Variants in HERC3 observed in about 807,000 individuals in gnomAD.
HERC3 encodes the protein HECT and RLD domain containing E3 ubiquitin protein ligase 3, also known as probable E3 ubiquitin-protein ligase HERC3.
A neutral mutation model predicts 129.9 loss-of-function variants in HERC3; 58 were observed. The observed-to-expected ratio is 0.45, with a 90% confidence interval of 0.36 to 0.56. The LOEUF (loss-of-function observed/expected upper bound fraction) is 0.56, where lower values mean the gene tolerates loss of function less well. Ranked by LOEUF, HERC3 falls within the 20% of genes least tolerant of loss-of-function variation. HERC3 has a pLI of 0.00. For missense variants in HERC3, 835 were observed against 1,244.2 expected, an observed-to-expected ratio of 0.67 and a Z score of 4.95; for synonymous variants, 430 against 451.0, an observed-to-expected ratio of 0.95 and a Z score of 0.59.
At chr4:88,552,190 C>T in the HERC3 span, among the ~76,000 whole-genome samples, 18 of 151,196 alleles carry the variant, frequency 1.2e-4, no homozygotes, top group African/African-American at 2.7e-4. Flanking sequence ...GGCTAAATGA[C>T]GAGTTAATGG....
chr4:88,559,960 A>ATTTTTTTT, the HERC3 span, among the ~76,000 whole-genome samples: 1 of 119,554 alleles, frequency 8.4e-6, no homozygotes, highest in Non-Finnish European at 1.8e-5. Context: ...GTTATTTTTG[A>ATTTTTTTT]TTTTTTTTTT....
chr4:88,555,311 ATTAT>A, the HERC3 span, among the ~76,000 whole-genome samples: 1 of 152,116 alleles, frequency 6.6e-6, no homozygotes, highest in African/African-American at 2.4e-5. Flanking sequence ...AGAAAAAGAA[ATTAT>A]ATGGAATTAT....
At chr4:88,684,628 C>G (rs1733193739) in intron 21 of HERC3, among the ~76,000 whole-genome samples, 1 of 152,158 alleles carries the variant, frequency 6.6e-6, no homozygotes, top group African/African-American at 2.4e-5. Context: ...CAAATCGGAT[C>G]TAATCGAACT....
chr4:88,667,932 C>T lies in HERC3; in HGVS notation c.1484C>T (p.Ser495Leu), dbSNP rs751787964. 1 of 1,613,384 alleles carries T rather than the reference C, an allele frequency of 6.2e-7. No individual in the cohort carries two copies. Reference sequence around the variant, plus strand: ...GAAAGTTGTCTGATTCCCCAGTTGTCAAGCTCACCACCAGATGTTGAAGCC... The same window carrying T: ...GAAAGTTGTCTGATTCCCCAGTTGTTAAGCTCACCACCAGATGTTGAAGCC... ...SFESCLIPQL[S>L]SSPPDVEAMR... is the part of the protein sequence containing the mutation. Residue 495 changes from serine (S) to leucine (L), a missense_variant, in exon 14 of 26, where the codon TCA becomes TTA. Coordinates refer to ENST00000402738, the MANE Select transcript of HERC3 (RefSeq NM_014606.3).
At chr4:88,637,548 G>C (rs1307794455) in intron 3 of HERC3, among the ~76,000 whole-genome samples, 2 of 152,272 alleles carry the variant, frequency 1.3e-5, no homozygotes, top group East Asian at 3.9e-4. Flanking sequence ...AAACCAATGA[G>C]AACAAAGAAG....
intron 7 of HERC3, among the ~76,000 whole-genome samples, chr4:88,654,604 G>C (rs1729685915): frequency 6.7e-6 from 1 of 149,850 alleles, no homozygotes; most frequent in Non-Finnish European, 1.5e-5. Flanking sequence ...TTTAAAACAA[G>C]TCATTTAAAT....
At chr4:88,587,219 A>G in the HERC3 span, among the ~76,000 whole-genome samples, 1 of 152,240 alleles carries the variant, frequency 6.6e-6, no homozygotes, top group Admixed American at 6.5e-5. Flanking sequence ...TTACAGACTT[A>G]AGTAAATAAT....
chr4:88,569,971 A>G, the HERC3 span, among the ~76,000 whole-genome samples: 5 of 152,254 alleles, frequency 3.3e-5, no homozygotes, highest in Non-Finnish European at 7.3e-5. Flanking sequence ...GTCTGTGTCC[A>G]GTGCAGTGCC....
chr4:88,670,719 T>A (rs187701111), intron 16 of HERC3, among the ~76,000 whole-genome samples: 538 of 152,198 alleles, frequency 3.5e-3, no homozygotes, highest in Middle Eastern at 0.017. Context: ...GGTTTTTTTT[T>A]AAACCATAAT....
chr4:88,680,705 T>TTC (rs1732682536), intron 20 of HERC3, among the ~76,000 whole-genome samples: 1 of 152,252 alleles, frequency 6.6e-6, no homozygotes, highest in Non-Finnish European at 1.5e-5. Flanking sequence ...TCTTCCTAGA[T>TTC]CTGCACCATA....
chr4:88,565,847 C>A, the HERC3 span, among the ~76,000 whole-genome samples: 1 of 152,062 alleles, frequency 6.6e-6, no homozygotes, highest in Non-Finnish European at 1.5e-5. Context: ...GTTTTGTGGT[C>A]TCCTTTCCTT....
At chr4:88,524,224 A>AT in the HERC3 span, among the ~76,000 whole-genome samples, 1 of 152,166 alleles carries the variant, frequency 6.6e-6, no homozygotes, top group African/African-American at 2.4e-5. Context: ...TTTCTCTCTC[A>AT]TTAAAAAAAG....
chr4:88,592,813 C>T lies in HERC3; in HGVS notation c.-88+239C>T, dbSNP rs374690057. On this transcript the variant is annotated intron_variant, in intron 1 of 25. Transcript: ENST00000402738. ...CCTGCGTACGCCTCCCTGGCGTTCT[C>T]GTGGGCTCGCCCTCCGGTCAGAGAG... 9.8e-4 allele frequency among the ~76,000 whole-genome samples: 149 copies of T among 151,954 alleles called. 4 individuals are homozygous for T. The highest frequency in any genetic ancestry group is 1.6e-3 in the Non-Finnish European group (107 of 67,894).
At chr4:88,568,164 T>C in the HERC3 span, among the ~76,000 whole-genome samples, 1 of 152,238 alleles carries the variant, frequency 6.6e-6, no homozygotes, top group African/African-American at 2.4e-5. Flanking sequence ...CTGCGCAGGC[T>C]GAAGCTGAAG....
chr4:88,552,706 A>G, the HERC3 span, among the ~76,000 whole-genome samples: 3 of 152,350 alleles, frequency 2.0e-5, no homozygotes, highest in South Asian at 6.2e-4. Context: ...ACAACAGCAT[A>G]ATAAAATCTG....
intron 3 of HERC3, among the ~76,000 whole-genome samples, chr4:88,614,770 C>G (rs35409250): frequency 1.3e-5 from 2 of 152,150 alleles, no homozygotes; most frequent in African/African-American, 4.8e-5. Flanking sequence ...TACTGAGTGA[C>G]TAAACTTCTA....
chr4:88,611,114 A>T (rs1724266553), intron 3 of HERC3, among the ~76,000 whole-genome samples: 1 of 152,208 alleles, frequency 6.6e-6, no homozygotes, highest in African/African-American at 2.4e-5. Flanking sequence ...AAGAGATTCC[A>T]GAAATTTCTG....
At chr4:88,706,040 C>T (rs1194962005) in intron 25 of HERC3, among the ~76,000 whole-genome samples, 2 of 152,168 alleles carry the variant, frequency 1.3e-5, no homozygotes, top group Non-Finnish European at 2.9e-5. Flanking sequence ...CTGGAATTTC[C>T]CTAGAAAATG....
chr4:88,622,989 C>T lies in HERC3; in HGVS notation c.226+16940C>T, dbSNP rs562046953. Among the ~76,000 whole-genome samples the T allele has an allele frequency of 6.4e-4, 97 of 152,140 alleles. 1 individual carries two copies. Among genetic ancestry groups the T allele is most frequent in the East Asian group, 2.9e-3 (15 of 5,168 alleles). ...GAGTGCCTATCTCATAGGGTTATTG[C>T]GAGGATTAATTGAGATAAAACATAT... On this transcript the variant is annotated intron_variant, in intron 3 of 25. Transcript: ENST00000402738.
Sources: allele counts gnomAD v4.1 joint callset (sites outside exome capture counted in the v4.1 genomes callset), GRCh38; gene constraint gnomAD v4.1.1; transcripts MANE v1.5; gene names NCBI Gene and HGNC (gene_info 2026-07-23, HGNC 2026-07-21).